The following CDKAL1 variants were observed in gnomAD, a reference collection of about 807,000 sequenced individuals.
CDKAL1 encodes CDKAL1 threonylcarbamoyladenosine tRNA methylthiotransferase.
Under a neutral mutation model 68.2 loss-of-function variants are expected in CDKAL1, and 32 were observed. That is an observed-to-expected ratio of 0.47 (90% CI 0.35 to 0.63). The LOEUF is 0.63. Ranked by LOEUF, CDKAL1 falls within the 30% of genes least tolerant of loss-of-function variation. CDKAL1 has a pLI of 0.00. For missense variants in CDKAL1, 606 were observed against 696.7 expected (o/e 0.87, Z 1.47); for synonymous variants, 234 against 244.3 (o/e 0.96, Z 0.39).
At chr6:21,183,137 GT>G (rs35815279) in intron 13 of CDKAL1, among the ~76,000 whole-genome samples, 21,069 of 144,278 alleles carry the variant, frequency 0.15, 1,662 homozygotes, top group Non-Finnish European at 0.19. Context: ...GCTGCTCTAG[GT>G]TTTTTTTTTT....
At chr6:20,940,174 TATA>T (rs1424359940) in intron 9 of CDKAL1, among the ~76,000 whole-genome samples, 20 of 152,324 alleles carry the variant, frequency 1.3e-4, no homozygotes, top group East Asian at 3.9e-4. Flanking sequence ...AACTATGTAA[TATA>T]ATGTTTTGAA....
chr6:21,052,409 C>T (rs1413338404), intron 11 of CDKAL1, among the ~76,000 whole-genome samples: 1 of 152,078 alleles, frequency 6.6e-6, no homozygotes, highest in Non-Finnish European at 1.5e-5. Flanking sequence ...AGTGCAGTGA[C>T]ACGATCACAG....
intron 7 of CDKAL1, among the ~76,000 whole-genome samples, chr6:20,778,989 T>A (rs183061087): frequency 4.6e-5 from 7 of 152,276 alleles, no homozygotes; most frequent in East Asian, 1.9e-4. Context: ...TTAATCGTCA[T>A]AACATTCTAC....
intron 12 of CDKAL1, among the ~76,000 whole-genome samples, chr6:21,073,089 T>C (rs1419034859): frequency 6.6e-6 from 1 of 152,162 alleles, no homozygotes; most frequent in Non-Finnish European, 1.5e-5. Flanking sequence ...GTGTAGACTT[T>C]TCAGATTGGC....
Position 21,118,019 on chromosome 6 carries a change from T to C in CDKAL1, c.1299+9556T>C, listed in dbSNP as rs368137547. ...CAAAGTTTTAACCTGGGGAACTTGT[T>C]TGGAAAATTGTTCAGCAGGCACAAA... On this transcript the variant is annotated intron_variant, in intron 13 of 15. Coordinates refer to ENST00000274695, the MANE Select transcript of CDKAL1 (RefSeq NM_017774.3). Among the ~76,000 whole-genome samples the C allele has an allele frequency of 6.6e-5, 10 of 152,304 alleles. No homozygotes were observed. The South Asian group carries it at 8.3e-4, about 13-fold the overall frequency.
intron 9 of CDKAL1, among the ~76,000 whole-genome samples, chr6:20,919,685 G>A (rs968043616): frequency 6.6e-6 from 1 of 152,160 alleles, no homozygotes; most frequent in Non-Finnish European, 1.5e-5. Flanking sequence ...TTTGGTATTA[G>A]CAATTTATAA....
At chr6:20,801,774 A>T (rs887112771) in intron 8 of CDKAL1, among the ~76,000 whole-genome samples, 1 of 152,124 alleles carries the variant, frequency 6.6e-6, no homozygotes, top group African/African-American at 2.4e-5. Flanking sequence ...ATTTATAAGG[A>T]TGTGTTGGTA....
At chr6:20,763,932 T>C (rs979443285) in intron 7 of CDKAL1, among the ~76,000 whole-genome samples, 1 of 152,182 alleles carries the variant, frequency 6.6e-6, no homozygotes, top group African/African-American at 2.4e-5. Flanking sequence ...TTAGGATTTT[T>C]TTCCTGTATC....
At chr6:21,074,155 C>T (rs1582144659) in intron 12 of CDKAL1, among the ~76,000 whole-genome samples, 1 of 152,294 alleles carries the variant, frequency 6.6e-6, no homozygotes, top group East Asian at 1.9e-4. Context: ...GCTACAAGTA[C>T]AAAGAAAAGC....
intron 13 of CDKAL1, among the ~76,000 whole-genome samples, chr6:21,184,775 G>A (rs894419815): frequency 2.0e-5 from 3 of 151,698 alleles, no homozygotes; most frequent in Admixed American, 2.0e-4. Context: ...CTCAGCCTCT[G>A]GAGTAGCTAT....
chr6:21,192,491 T>C (rs965126173), intron 13 of CDKAL1, among the ~76,000 whole-genome samples: 4 of 152,190 alleles, frequency 2.6e-5, no homozygotes, highest in Non-Finnish European at 5.9e-5. Context: ...CAAAAGTCCA[T>C]AGAACTGAAT....
At chr6:20,868,760 T>C (rs535901708) in intron 9 of CDKAL1, among the ~76,000 whole-genome samples, 24 of 152,342 alleles carry the variant, frequency 1.6e-4, no homozygotes, top group African/African-American at 5.5e-4. Flanking sequence ...GAGTGACAAA[T>C]AATTTACCCT....
chr6:20,588,940 T>A (rs1010685965), intron 4 of CDKAL1, among the ~76,000 whole-genome samples: 3 of 152,214 alleles, frequency 2.0e-5, no homozygotes, highest in Non-Finnish European at 4.4e-5. Flanking sequence ...TTTTATAAAA[T>A]GGAAAGTTTG....
At chr6:20,984,819 G>GT (rs1260000784) in intron 10 of CDKAL1, among the ~76,000 whole-genome samples, 2 of 148,066 alleles carry the variant, frequency 1.4e-5, no homozygotes, top group South Asian at 2.1e-4. Context: ...AACGGGGGGG[G>GT]GTGGGGAAGG....
intron 5 of CDKAL1, among the ~76,000 whole-genome samples, chr6:20,698,579 T>C (rs1480836147): frequency 6.6e-6 from 1 of 152,222 alleles, no homozygotes; most frequent in Non-Finnish European, 1.5e-5. Flanking sequence ...TTTTGTAGAA[T>C]GCCCCTCAGT....
intron 4 of CDKAL1, among the ~76,000 whole-genome samples, chr6:20,590,102 C>G (rs1296048367): frequency 2.0e-5 from 3 of 152,024 alleles, no homozygotes; most frequent in Non-Finnish European, 4.4e-5. Context: ...TAGTAGGCTG[C>G]TTATTGTATT....
At chr6:20,933,064 C>T (rs1339404982) in intron 9 of CDKAL1, among the ~76,000 whole-genome samples, 2 of 152,186 alleles carry the variant, frequency 1.3e-5, no homozygotes, top group Non-Finnish European at 2.9e-5. Flanking sequence ...TCAAAACTGT[C>T]TTCCCAAGGA....
At chr6:21,184,732 C>A (rs1036522620) in intron 13 of CDKAL1, among the ~76,000 whole-genome samples, 1 of 151,974 alleles carries the variant, frequency 6.6e-6, no homozygotes, top group African/African-American at 2.4e-5. Context: ...CTCACTGGTG[C>A]CTTGACCTCC....
intron 8 of CDKAL1, among the ~76,000 whole-genome samples, chr6:20,827,107 C>T (rs1248270654): frequency 7.9e-5 from 12 of 152,072 alleles, no homozygotes; most frequent in African/African-American, 2.4e-5. Flanking sequence ...TTATCAAAAT[C>T]GTCTTTATTT....
Sources: gnomAD v4.1 joint callset for allele counts (sites outside exome capture counted in the v4.1 genomes callset) on GRCh38, gnomAD v4.1.1 for gene constraint, MANE v1.5 for transcripts, NCBI Gene and HGNC (gene_info 2026-07-23, HGNC 2026-07-21) for gene names.